FRK: variants seen among roughly 807,000 people sequenced by gnomAD.
The protein encoded by FRK is tyrosine-protein kinase FRK.
A neutral mutation model predicts 56.4 loss-of-function variants in FRK; 51 were observed. The observed-to-expected ratio is 0.90, with a 90% CI of 0.72 to 1.14. FRK has a LOEUF of 1.14. Ranked by LOEUF, FRK falls within the 50% of genes most tolerant of loss-of-function variation. FRK has a pLI of 0.00. For synonymous variants in FRK, 245 were observed against 217.9 expected (o/e 1.12, Z -1.10); for missense variants, 570 against 601.4 (o/e 0.95, Z 0.55).
At chr6:116,094,726 G>T in the FRK span, among the ~76,000 whole-genome samples, 1 of 152,136 alleles carries the variant, frequency 6.6e-6, no homozygotes, top group Non-Finnish European at 1.5e-5. Context: ...GACAGGGAAA[G>T]ACCAGCAGAA....
chr6:116,020,743 AATTTTTCC>A (rs142464887), intron 1 of FRK, among the ~76,000 whole-genome samples: 3,158 of 152,262 alleles, frequency 0.021, 100 homozygotes, highest in African/African-American at 0.066. Context: ...GACAAGACAC[AATTTTTCC>A]AACTCCTTGA....
intron 4 of FRK, among the ~76,000 whole-genome samples, chr6:115,958,663 A>G (rs1447616476): frequency 1.4e-3 from 4 of 2,818 alleles, no homozygotes; most frequent in African/African-American, 3.6e-3. Flanking sequence ...AAAGAAAGAA[A>G]GAAAGAAAGA....
intron 1 of FRK, among the ~76,000 whole-genome samples, chr6:116,007,590 T>C (rs1775289903): frequency 2.0e-5 from 3 of 152,208 alleles, no homozygotes; most frequent in South Asian, 4.1e-4. Flanking sequence ...TCATTTCTTA[T>C]TTTAAACTAG....
intron 2 of FRK, among the ~76,000 whole-genome samples, chr6:115,987,251 A>G (rs1383847283): frequency 6.6e-6 from 1 of 152,070 alleles, no homozygotes; most frequent in African/African-American, 2.4e-5. Flanking sequence ...ACTATGTTTT[A>G]TCTCCATTTT....
At chr6:116,090,095 C>T in the FRK span, among the ~76,000 whole-genome samples, 115 of 152,180 alleles carry the variant, frequency 7.6e-4, no homozygotes, top group African/African-American at 2.7e-3. Context: ...TTTAATTGGG[C>T]ATTTTGTATT....
intron 1 of FRK, among the ~76,000 whole-genome samples, chr6:116,038,065 A>G (rs755489787): frequency 6.6e-6 from 1 of 152,208 alleles, no homozygotes; most frequent in Non-Finnish European, 1.5e-5. Flanking sequence ...AAACAAGGTA[A>G]GAGGCAGGGG....
intron 2 of FRK, among the ~76,000 whole-genome samples, chr6:115,988,150 A>G (rs1253052165): frequency 4.6e-5 from 7 of 152,120 alleles, no homozygotes; most frequent in African/African-American, 1.7e-4. Flanking sequence ...AATGCAAGGC[A>G]TGTTTCTAAA....
At chr6:116,075,201 T>C in the FRK span, among the ~76,000 whole-genome samples, 1 of 152,158 alleles carries the variant, frequency 6.6e-6, no homozygotes, top group African/African-American at 2.4e-5. Context: ...CTATGCTAGG[T>C]CCCAGGCTTT....
the FRK span, among the ~76,000 whole-genome samples, chr6:116,085,221 AGT>A: frequency 6.6e-6 from 1 of 152,172 alleles, no homozygotes; most frequent in Non-Finnish European, 1.5e-5. Context: ...AGAAATGGGA[AGT>A]GTGGGGAGTT....
At chr6:116,008,424 A>G (rs1309703296) in intron 1 of FRK, among the ~76,000 whole-genome samples, 2 of 152,224 alleles carry the variant, frequency 1.3e-5, no homozygotes, top group African/African-American at 4.8e-5. Context: ...CTAGAATTTT[A>G]CTTAGCTGAG....
At chr6:116,092,925 T>C in the FRK span, among the ~76,000 whole-genome samples, 1 of 152,154 alleles carries the variant, frequency 6.6e-6, no homozygotes, top group Non-Finnish European at 1.5e-5. Flanking sequence ...GCAGCTCATT[T>C]TTTTCTGCAC....
intron 1 of FRK, among the ~76,000 whole-genome samples, chr6:116,037,465 A>G (rs1776530208): frequency 1.3e-5 from 2 of 152,220 alleles, no homozygotes; most frequent in Admixed American, 1.3e-4. Flanking sequence ...CCAATGGTAA[A>G]GGAGCAAAAG....
chr6:116,061,645 T>C (rs111332948), upstream of FRK, among the ~76,000 whole-genome samples: 38 of 152,276 alleles, frequency 2.5e-4, no homozygotes, highest in African/African-American at 9.1e-4. Context: ...CCTTCCCTAG[T>C]TCGGAGCAGC....
the FRK span, among the ~76,000 whole-genome samples, chr6:116,095,226 T>G: frequency 6.6e-6 from 1 of 152,228 alleles, no homozygotes; most frequent in South Asian, 2.1e-4. Flanking sequence ...CCTAGGTGAT[T>G]AAGGGAAAAC....
the FRK span, among the ~76,000 whole-genome samples, chr6:116,097,746 G>C: frequency 6.6e-6 from 1 of 152,094 alleles, no homozygotes; most frequent in Admixed American, 6.5e-5. Flanking sequence ...AGAAAAAACA[G>C]TACATGAAAT....
chr6:115,968,823 A>C, intron 2 of FRK, 84 bp from the exon 3 acceptor site: 5 of 1,099,346 alleles, frequency 4.5e-6, no homozygotes, highest in Non-Finnish European at 6.6e-6. Flanking sequence ...TTTTCAATGC[A>C]TAAAATGAAA....
chr6:116,035,391 C>T (rs1422318450), intron 1 of FRK, among the ~76,000 whole-genome samples: 1 of 152,006 alleles, frequency 6.6e-6, no homozygotes, highest in African/African-American at 2.4e-5. Flanking sequence ...TCACAGGATG[C>T]TTAAGGATCA....
intron 2 of FRK, among the ~76,000 whole-genome samples, chr6:115,995,804 G>A (rs1258800988): frequency 1.3e-5 from 2 of 152,124 alleles, no homozygotes; most frequent in African/African-American, 4.8e-5. Flanking sequence ...TAACTTTATA[G>A]AGTATTTAAA....
the FRK span, among the ~76,000 whole-genome samples, chr6:116,076,195 A>G: frequency 1.3e-5 from 2 of 152,220 alleles, no homozygotes; most frequent in Non-Finnish European, 2.9e-5. Context: ...AGATGATAAA[A>G]GATTTTTCTG....
Sources: allele counts gnomAD v4.1 joint callset (sites outside exome capture counted in the v4.1 genomes callset), GRCh38; gene constraint gnomAD v4.1.1; transcripts MANE v1.5; gene names NCBI Gene and HGNC (gene_info 2026-07-23, HGNC 2026-07-21).